The following DNAH1 variants were observed in gnomAD, a reference collection of about 807,000 sequenced individuals.
DNAH1 encodes dynein axonemal heavy chain 1.
Under a neutral mutation model 484.3 loss-of-function variants are expected in DNAH1, and 327 were observed. That is an observed-to-expected ratio of 0.68 (90% confidence interval 0.62 to 0.74). The LOEUF is 0.74. Ranked by LOEUF, DNAH1 falls within the 30% of genes least tolerant of loss-of-function variation. DNAH1 has a pLI of 0.00. For missense variants in DNAH1, 5,052 were observed against 5,546.8 expected (o/e 0.91, Z 2.83); for synonymous variants, 2,192 against 2,191.9 (o/e 1.00, Z 0.00).
Position 52,347,976 on chromosome 3 carries a change from T to C in DNAH1, c.2106+2T>C, listed in dbSNP as rs998632988. The C allele has an allele frequency of 6.2e-7, 1 of 1,606,092 alleles. No homozygotes were observed. The highest frequency in any genetic ancestry group is 8.5e-7 in the Non-Finnish European group (1 of 1,176,406). Reference sequence around the variant, plus strand: ...CATGCCGTGCCCCAGCTGGAGAAGGTACGTGCTGCAGCCTGAGCAGGCCCC... The same window carrying C: ...CATGCCGTGCCCCAGCTGGAGAAGGCACGTGCTGCAGCCTGAGCAGGCCCC... On this transcript the variant is annotated splice_donor_variant, in intron 12 of 77. Coordinates refer to ENST00000420323, the MANE Select transcript of DNAH1 (RefSeq NM_015512.5). LOFTEE classifies it high-confidence loss of function.
At position 52,391,298 on chromosome 3, in the gene DNAH1, C is replaced by T; in HGVS notation, c.9861C>T (p.Asp3287=). 6.2e-7 allele frequency: 1 copy of T among 1,612,162 alleles called. No homozygotes were observed. The highest frequency in any genetic ancestry group is 1.3e-5 in the African/African-American group (1 of 75,010). The change falls in exon 62 of 78, where the codon GAC becomes GAT. Residue 3287 remains aspartate (D), a synonymous_variant. Transcript: ENST00000420323. ...TGGAGAACGTGGGCGAGGAGCTAGA[C>T]CCAGCCCTGGAGCCAGTGCTGCTCA... The part of the protein sequence containing the change: ...CLLENVGEEL[D]PALEPVLLKQ...
Position 52,381,549 on chromosome 3 carries a change from G to A in DNAH1, c.7609-91G>A. On this transcript the variant is annotated intron_variant, in intron 48 of 77. Coordinates refer to ENST00000420323, the MANE Select transcript of DNAH1 (RefSeq NM_015512.5). This position sits in a 1 kb window ranked among gnomAD's most constrained non-coding sequence, Gnocchi z 4.1. ...TCAAGGCACCTGTGCTTCTCAGTCA[G>A]GACAGAGAAGAAAGCGGGTGGGTGG... 1.6e-6 allele frequency: 2 copies of A among 1,267,112 alleles called. No individual in the cohort carries two copies. The highest frequency in any genetic ancestry group is 3.0e-5 in the South Asian group (2 of 67,758). The allele number at this position is 1,267,112 out of a possible 1,614,324, so 78.5% of individuals were successfully genotyped here. A position where few individuals can be genotyped will look rare whatever the true frequency, so the allele number is the denominator to read the frequency against.
At chr3:52,394,755 C>A in intron 67 of DNAH1, 94 bp downstream of exon 67, 1 of 1,489,406 alleles carries the variant, frequency 6.7e-7, no homozygotes, top group South Asian at 1.3e-5. Context: ...AGGGGCCACC[C>A]AGGGTTGCCC....
At chr3:52,393,234 G>T in intron 65 of DNAH1, 100 bp from the exon 66 acceptor site, 1 of 1,558,162 alleles carries the variant, frequency 6.4e-7, no homozygotes, top group African/African-American at 1.4e-5. Context: ...GGCCCAGGCT[G>T]CCCCTACGGC....
intron 8 of DNAH1, among the ~76,000 whole-genome samples, chr3:52,334,081 T>C (rs1701650521): frequency 6.6e-6 from 1 of 152,222 alleles, no homozygotes; most frequent in Non-Finnish European, 1.5e-5. Context: ...GATTTCATCA[T>C]TGTGCAAACA....
In DNAH1 at chr3:52,349,056, A is replaced by C. The variant is rs766730245; in HGVS notation, c.2275A>C (p.Asn759His). Residue 759 changes from asparagine to histidine, a missense_variant, in exon 13 of 78, where the codon AAC becomes CAC. Physicochemically the swap from Asn to His is moderately conservative, Grantham distance 68. Coordinates refer to ENST00000420323, the MANE Select transcript of DNAH1 (RefSeq NM_015512.5). ...GTACCGAAAGTACCTGGAGCTGAAC[A>C]ACAATGACATTGCCTCCTTTCTCAA... ...KEYRKYLELN[N>H]NDIASFLKTY... The C allele has an allele frequency of 6.2e-7, 1 of 1,612,974 alleles. No homozygotes were observed. The highest frequency in any genetic ancestry group is 2.2e-5 in the East Asian group (1 of 44,882).
In DNAH1 at chr3:52,395,688, C is replaced by T. The variant is rs762397033; in HGVS notation, c.11259+10C>T. 17 of 1,612,008 alleles carry T rather than the reference C, an allele frequency of 1.1e-5. No individual in the cohort carries two copies. In the African/African-American group the frequency reaches 1.6e-4, roughly 15 times the overall value. ...CATCAACCCCGACAAGGTGTGTTGC[C>T]CTGCCCATCACAGACCCAGTGGGGC... On this transcript the variant is annotated intron_variant, in intron 70 of 77. Coordinates refer to ENST00000420323, the MANE Select transcript of DNAH1 (RefSeq NM_015512.5). The surrounding 1 kb of genome is among the most constrained non-coding windows in gnomAD (Gnocchi z 4.4).
chr3:52,320,654 G>C (rs1701111924), intron 1 of DNAH1, among the ~76,000 whole-genome samples: 1 of 152,188 alleles, frequency 6.6e-6, no homozygotes. Flanking sequence ...CCAGCAAAAA[G>C]AGTGCCCTGT....
At chr3:52,389,044 T>C (rs978799010) in intron 59 of DNAH1, 107 bp downstream of exon 59, 19 of 1,313,970 alleles carry the variant, frequency 1.4e-5, no homozygotes, top group Non-Finnish European at 1.7e-5. Context: ...GGCTCTCCGC[T>C]CACTCAGTCA....
At chr3:52,338,061 T>C (rs897669449) in intron 8 of DNAH1, among the ~76,000 whole-genome samples, 1 of 152,218 alleles carries the variant, frequency 6.6e-6, no homozygotes, top group African/African-American at 2.4e-5. Context: ...CCCAAAGTGC[T>C]GGCATTATAG....
chr3:52,317,502 T>C (rs571685553), intron 1 of DNAH1, among the ~76,000 whole-genome samples: 2 of 152,328 alleles, frequency 1.3e-5, no homozygotes, highest in East Asian at 3.9e-4. Flanking sequence ...AACTTCCAGT[T>C]CGTAAATTTC....
At chr3:52,334,331 T>G (rs1253335404) in intron 8 of DNAH1, among the ~76,000 whole-genome samples, 1 of 152,216 alleles carries the variant, frequency 6.6e-6, no homozygotes, top group Non-Finnish European at 1.5e-5. Flanking sequence ...GAATGGAGCC[T>G]GCAGGGCTGG....
chr3:52,369,338 A>G (rs1703219305), intron 37 of DNAH1, among the ~76,000 whole-genome samples: 1 of 152,168 alleles, frequency 6.6e-6, no homozygotes, highest in Admixed American at 6.5e-5. Context: ...GATGGATGGC[A>G]TAGACACCAC....
rs1704023251 is a variant in DNAH1 at position 52,384,770 on chromosome 3, G to T, written c.8323-16G>T. The T allele has an allele frequency of 1.3e-6, 2 of 1,583,290 alleles. No individual in the cohort carries two copies. Among genetic ancestry groups the T allele is most frequent in the African/African-American group, 2.7e-5 (2 of 74,050 alleles). On this transcript the variant is annotated splice_polypyrimidine_tract_variant and intron_variant, in intron 52 of 77. Transcript: ENST00000420323. ...GGGCCTCTACCAGGCCGGCATCCAT[G>T]GTCTTCCTCCCCCAGATCCAGGTCT... is the stretch of plus-strand genomic sequence containing the variant.
Position 52,346,726 on chromosome 3 carries a change from C to CGG in DNAH1, c.1912_1913insGG (p.Asp638GlyfsTer10), listed in dbSNP as rs557979163. ...CCTGTTGCAGCGTGCTCAACTGCAC[C>CGG]GATGACATGGTCTGGGGTGACGACT... On this transcript the variant is annotated frameshift_variant, in exon 11 of 78. Transcript: ENST00000420323. LOFTEE classifies it high-confidence loss of function. 1.9e-4 allele frequency: 314 copies of CGG among 1,613,220 alleles called. No individual in the cohort carries two copies. The highest frequency in any genetic ancestry group is 2.4e-4 in the Non-Finnish European group (286 of 1,179,374).
At chr3:52,394,885 C>T (rs1044092536) in intron 67 of DNAH1, 30 bp from the exon 68 acceptor site, 3 of 1,608,746 alleles carry the variant, frequency 1.9e-6, no homozygotes, top group Non-Finnish European at 2.5e-6. Flanking sequence ...AACAGGCTGG[C>T]TCTCAGGGAG....
intron 75 of DNAH1, among the ~76,000 whole-genome samples, chr3:52,398,442 A>G (rs1031468579): frequency 2.0e-5 from 3 of 152,098 alleles, no homozygotes; most frequent in Admixed American, 1.3e-4. Context: ...CCACCTAATT[A>G]GCGCGCCCAG....
chr3:52,344,755 C>A, intron 9 of DNAH1, 108 bp downstream of exon 9: 3 of 1,212,950 alleles, frequency 2.5e-6, no homozygotes, highest in Non-Finnish European at 3.4e-6. Context: ...GCGTCATCAG[C>A]CCAACACTCC....
chr3:52,357,523 C>T (rs1403452488), intron 22 of DNAH1, 91 bp from the exon 23 acceptor site: 2 of 1,493,176 alleles, frequency 1.3e-6, no homozygotes, highest in East Asian at 4.9e-5. Context: ...CGCTGAGGGG[C>T]TCTGGCTGGT....
Sources: gnomAD v4.1 joint callset for allele counts (sites outside exome capture counted in the v4.1 genomes callset) on GRCh38, gnomAD v4.1.1 for gene constraint, Gnocchi (gnomAD v3.1) non-coding constraint, MANE v1.5 for transcripts, NCBI Gene and HGNC (gene_info 2026-07-23, HGNC 2026-07-21) for gene names.